Variants in PIP4K2A observed in about 807,000 individuals in gnomAD.
PIP4K2A encodes phosphatidylinositol-5-phosphate 4-kinase type 2 alpha, also known as phosphatidylinositol 5-phosphate 4-kinase type-2 alpha.
In PIP4K2A, 14 loss-of-function variants were observed where a neutral mutation model predicts 42.9. The observed-to-expected ratio is 0.33, with a 90% CI of 0.22 to 0.51. The LOEUF is 0.51. Ranked by LOEUF, PIP4K2A falls within the 20% of genes least tolerant of loss-of-function variation. The pLI, the probability that PIP4K2A is intolerant of heterozygous loss-of-function variation, is 0.97. For missense variants in PIP4K2A, 434 were observed against 519.8 expected, an observed-to-expected ratio of 0.83 and a Z score of 1.61; for synonymous variants, 192 against 192.2, an observed-to-expected ratio of 1.00 and a Z score of 0.01.
At chr10:22,626,771 T>C (rs940219270) in intron 1 of PIP4K2A, among the ~76,000 whole-genome samples, 22 of 152,334 alleles carry the variant, frequency 1.4e-4, no homozygotes, top group Admixed American at 7.8e-4. Flanking sequence ...GATATTTTCA[T>C]CTATATTTAG....
intron 1 of PIP4K2A, among the ~76,000 whole-genome samples, chr10:22,660,154 C>T (rs1438922344): frequency 6.6e-6 from 1 of 152,128 alleles, no homozygotes; most frequent in African/African-American, 2.4e-5. Context: ...GCTACTGTGC[C>T]TGGCGCATAA....
chr10:22,550,586 T>A, intron 7 of PIP4K2A, 73 bp downstream of exon 7: 1 of 856,134 alleles, frequency 1.2e-6, no homozygotes, highest in Non-Finnish European at 2.0e-6. Context: ...AATAGATGGT[T>A]TAAAAAGCTC....
chr10:22,608,427 T>A (rs140878101), intron 2 of PIP4K2A, among the ~76,000 whole-genome samples: 2 of 152,270 alleles, frequency 1.3e-5, no homozygotes, highest in African/African-American at 4.8e-5. Flanking sequence ...GGAGGGCCAC[T>A]CCCTCACCCC....
At chr10:22,701,458 C>A (rs79841923) in intron 1 of PIP4K2A, among the ~76,000 whole-genome samples, 1,881 of 152,262 alleles carry the variant, frequency 0.012, 22 homozygotes, top group Middle Eastern at 0.027. Flanking sequence ...ATGTCTGTTA[C>A]CCCTGCCCAA....
chr10:22,665,821 T>C (rs1016253546), intron 1 of PIP4K2A, among the ~76,000 whole-genome samples: 3 of 151,614 alleles, frequency 2.0e-5, no homozygotes, highest in African/African-American at 7.3e-5. Flanking sequence ...GACATACACA[T>C]ATATATACAT....
chr10:22,547,189 A>G (rs12255524), intron 7 of PIP4K2A, among the ~76,000 whole-genome samples: 235 of 152,304 alleles, frequency 1.5e-3, no homozygotes, highest in African/African-American at 5.1e-3. Flanking sequence ...ATCTCCCAAC[A>G]TATCTGTGAA....
intron 6 of PIP4K2A, among the ~76,000 whole-genome samples, chr10:22,556,932 A>G (rs1399395795): frequency 6.6e-6 from 1 of 152,200 alleles, no homozygotes; most frequent in African/African-American, 2.4e-5. Context: ...GTGTGACAAT[A>G]CAGGTCATGG....
intron 1 of PIP4K2A, among the ~76,000 whole-genome samples, chr10:22,673,961 T>G (rs1839505422): frequency 6.6e-6 from 1 of 152,352 alleles, no homozygotes; most frequent in South Asian, 2.1e-4. Context: ...AGAGGAATAT[T>G]ACAGCCAAAT....
chr10:22,572,569 C>A (rs1044759580), intron 5 of PIP4K2A, among the ~76,000 whole-genome samples: 2 of 151,560 alleles, frequency 1.3e-5, no homozygotes, highest in African/African-American at 4.9e-5. Flanking sequence ...TGAGCCACTG[C>A]GCTCCAGACT....
intron 6 of PIP4K2A, among the ~76,000 whole-genome samples, chr10:22,554,417 C>T (rs79579298): frequency 7.2e-5 from 11 of 152,350 alleles, no homozygotes; most frequent in African/African-American, 2.6e-4. Flanking sequence ...AATGTAGCAA[C>T]AGATTCTACA....
At chr10:22,647,056 A>T (rs978428694) in intron 1 of PIP4K2A, among the ~76,000 whole-genome samples, 2 of 152,188 alleles carry the variant, frequency 1.3e-5, no homozygotes, top group African/African-American at 4.8e-5. Flanking sequence ...GTTTACTTCT[A>T]CTACAAAGTT....
chr10:22,536,333 A>G lies in PIP4K2A; in HGVS notation c.*868T>C. ...TTTATTTTGTAGCATTAATTCCTATATTGCAACGTAAGGGTGAACAATGAA... is the reference window on the plus strand; with the variant it reads ...TTTATTTTGTAGCATTAATTCCTATGTTGCAACGTAAGGGTGAACAATGAA... On this transcript the variant is annotated 3_prime_UTR_variant, in exon 10 of 10. Coordinates refer to ENST00000376573, the MANE Select transcript of PIP4K2A (RefSeq NM_005028.5). 5.5e-6 allele frequency: 2 copies of G among 365,330 alleles called. No individual in the cohort carries two copies. Among genetic ancestry groups the G allele is most frequent in the Non-Finnish European group, 9.5e-6 (2 of 211,354 alleles). The allele number at this position is 365,330 out of a possible 1,614,324, so 22.6% of individuals were successfully genotyped here.
chr10:22,632,885 T>A (rs1374831177), intron 1 of PIP4K2A, among the ~76,000 whole-genome samples: 2 of 152,232 alleles, frequency 1.3e-5, no homozygotes, highest in African/African-American at 4.8e-5. Flanking sequence ...TTGAGTTTCA[T>A]ATTTTGTTTT....
chr10:22,562,986 G>C (rs1020515419), intron 6 of PIP4K2A, among the ~76,000 whole-genome samples: 1 of 152,176 alleles, frequency 6.6e-6, no homozygotes, highest in Non-Finnish European at 1.5e-5. Flanking sequence ...AGGTGATGAA[G>C]TGAGGAGGAG....
chr10:22,563,374 T>C lies in PIP4K2A; in HGVS notation c.678+4477A>G, dbSNP rs1016455209. On this transcript the variant is annotated intron_variant, in intron 6 of 9. Transcript: ENST00000376573. ...TAAACGTAAAAGTTTTACAAATATG[T>C]ACATCTGAAAGTATGAGCGAAAATG... Among the ~76,000 whole-genome samples the C allele has an allele frequency of 3.9e-5, 6 of 152,316 alleles. No homozygotes were observed. The South Asian group carries it at 1.2e-3, about 32-fold the overall frequency.
intron 8 of PIP4K2A, among the ~76,000 whole-genome samples, chr10:22,540,620 C>A (rs145873661): frequency 6.6e-6 from 1 of 152,080 alleles, no homozygotes; most frequent in Non-Finnish European, 1.5e-5. Context: ...TGCAATGGTG[C>A]GATCTTGGCT....
intron 4 of PIP4K2A, among the ~76,000 whole-genome samples, chr10:22,588,639 A>G (rs1837449153): frequency 6.6e-6 from 1 of 152,228 alleles, no homozygotes; most frequent in Non-Finnish European, 1.5e-5. Context: ...ACATGAATAA[A>G]TGAATGAATG....
At chr10:22,656,809 A>G (rs1839110659) in intron 1 of PIP4K2A, among the ~76,000 whole-genome samples, 1 of 151,992 alleles carries the variant, frequency 6.6e-6, no homozygotes, top group Non-Finnish European at 1.5e-5. Flanking sequence ...AAAAAAAAAA[A>G]AAAGCAAAGA....
intron 6 of PIP4K2A, among the ~76,000 whole-genome samples, chr10:22,551,458 G>GTAAAC (rs1836408991): frequency 6.6e-6 from 1 of 152,198 alleles, no homozygotes; most frequent in Non-Finnish European, 1.5e-5. Context: ...GAGCTAATAA[G>GTAAAC]TAAACTGCAC....
Sources: allele counts gnomAD v4.1 joint callset (sites outside exome capture counted in the v4.1 genomes callset), GRCh38; gene constraint gnomAD v4.1.1; transcripts MANE v1.5; gene names NCBI Gene and HGNC (gene_info 2026-07-23, HGNC 2026-07-21).